The following COL24A1 variants were observed in gnomAD, a reference collection of about 807,000 sequenced individuals.
COL24A1 encodes the protein collagen alpha-1(XXIV) chain.
COL24A1 carries 224 observed loss-of-function variants against 253.9 expected under a neutral mutation model. The ratio of observed to expected loss-of-function variants is 0.88; its 90% CI spans 0.79 to 0.99. COL24A1 has a LOEUF of 0.99. COL24A1 is among the 50% of genes least tolerant of loss of function. COL24A1 has a pLI of 0.00. For missense variants in COL24A1, 2,131 were observed against 2,068.5 expected (o/e 1.03, Z -0.59); for synonymous variants, 685 against 673.7 (o/e 1.02, Z -0.26).
At chr1:86,057,871 T>A in intron 10 of COL24A1, 60 bp downstream of exon 10, 1 of 1,448,740 alleles carries the variant, frequency 6.9e-7, no homozygotes, top group Non-Finnish European at 9.6e-7. Flanking sequence ...AAGTGTTTTA[T>A]ATATTTCATT....
chr1:86,058,059 G>A, intron 9 of COL24A1, 84 bp from the exon 10 acceptor site: 3 of 1,068,346 alleles, frequency 2.8e-6, no homozygotes, highest in South Asian at 3.1e-5. Flanking sequence ...GCCATATAAA[G>A]AGCTATCATT....
intron 24 of COL24A1, among the ~76,000 whole-genome samples, chr1:85,921,292 T>G (rs2103007600): frequency 6.6e-6 from 1 of 152,226 alleles, no homozygotes; most frequent in East Asian, 1.9e-4. Context: ...ATCCTGTGCC[T>G]GGCTTGGCAG....
chr1:85,859,797 A>C (rs559262247), intron 37 of COL24A1, among the ~76,000 whole-genome samples: 1 of 152,304 alleles, frequency 6.6e-6, no homozygotes, highest in South Asian at 2.1e-4. Context: ...TACTATGTAC[A>C]TGTTAAAATG....
chr1:86,075,548 C>A (rs868216021), intron 7 of COL24A1, among the ~76,000 whole-genome samples: 1 of 152,150 alleles, frequency 6.6e-6, no homozygotes, highest in Non-Finnish European at 1.5e-5. Context: ...TTTTATGAGG[C>A]CAGCATCATC....
chr1:86,126,005 C>T lies in COL24A1; in HGVS notation c.331G>A (p.Gly111Arg). 1 of 1,613,522 alleles carries T rather than the reference C, an allele frequency of 6.2e-7. No homozygotes were observed. Among genetic ancestry groups the T allele is most frequent in the Non-Finnish European group, 8.5e-7 (1 of 1,179,774 alleles). ...NLGQPFTILT[G>R]LQSHRVNNAF... ...TTGTTCACCCGATGTGACTGTAACC[C>T]AGTTAATATTGTAAACGGCTGCCCC... is the stretch of plus-strand genomic sequence containing the variant. The change falls in exon 3 of 60, where the codon GGG (glycine) becomes AGG (arginine). Residue 111 changes from glycine to arginine, a missense_variant. By Grantham distance (125) the Gly-to-Arg change is moderately radical. Transcript: ENST00000370571.
intron 47 of COL24A1, among the ~76,000 whole-genome samples, chr1:85,813,780 T>C (rs1010057230): frequency 7.2e-5 from 11 of 151,898 alleles, no homozygotes; most frequent in African/African-American, 2.7e-4. Flanking sequence ...CTCGATCTCC[T>C]GACCTCGTGA....
At chr1:85,943,031 C>T (rs1382075655) in intron 24 of COL24A1, among the ~76,000 whole-genome samples, 2 of 152,114 alleles carry the variant, frequency 1.3e-5, no homozygotes, top group African/African-American at 2.4e-5. Flanking sequence ...AGAAGATCTG[C>T]CCTCAATGTT....
intron 2 of COL24A1, among the ~76,000 whole-genome samples, chr1:86,142,689 A>G (rs1651334256): frequency 6.6e-6 from 1 of 152,136 alleles, no homozygotes; most frequent in South Asian, 2.1e-4. Context: ...AAAGAGCCCA[A>G]TACTGAAGAT....
chr1:85,830,100 C>T (rs531748929), intron 43 of COL24A1, among the ~76,000 whole-genome samples: 25 of 150,718 alleles, frequency 1.7e-4, no homozygotes, highest in Non-Finnish European at 2.4e-4. Context: ...GATGGGTTTT[C>T]GGTGTGGATG....
chr1:86,106,728 C>A (rs562212367), intron 5 of COL24A1, among the ~76,000 whole-genome samples: 2 of 152,224 alleles, frequency 1.3e-5, no homozygotes, highest in Admixed American at 1.3e-4. Context: ...GCCATTCTCT[C>A]TGGAAAACAG....
chr1:86,023,631 CAT>C (rs1697759589), intron 14 of COL24A1, among the ~76,000 whole-genome samples: 1 of 152,046 alleles, frequency 6.6e-6, no homozygotes. Flanking sequence ...AGAAAAAAGA[CAT>C]AATCTCTAAC....
chr1:85,841,350 T>A (rs1264318884), intron 41 of COL24A1, 72 bp from the exon 42 acceptor site: 1 of 1,040,392 alleles, frequency 9.6e-7, no homozygotes, highest in African/African-American at 1.7e-5. Context: ...CAACCTACTA[T>A]TTTTAAGTAT....
In COL24A1 at chr1:85,838,690, T is replaced by A. The variant is rs570624915; in HGVS notation, c.3628-52A>T. 3.3e-6 allele frequency: 5 copies of A among 1,520,718 alleles called. No individual in the cohort carries two copies. The South Asian group carries it at 3.4e-5, about 10-fold the overall frequency. The allele number at this position is 1,520,718 out of a possible 1,614,324, so 94.2% of individuals were successfully genotyped here. A position where few individuals can be genotyped will look rare whatever the true frequency, so the allele number is the denominator to read the frequency against. ...AGTTTTACAGCTGGATCAAAGTATA[T>A]GCGAATGCAGGTGATAAGATTAGTG... On this transcript the variant is annotated intron_variant, in intron 42 of 59. Transcript: ENST00000370571.
At chr1:86,093,157 T>C (rs1703629498) in intron 5 of COL24A1, among the ~76,000 whole-genome samples, 1 of 152,092 alleles carries the variant, frequency 6.6e-6, no homozygotes, top group African/African-American at 2.4e-5. Context: ...TCAGAGATGC[T>C]TTTAAATGAC....
chr1:85,874,508 A>G, intron 35 of COL24A1, 141 bp downstream of exon 35: 1 of 747,074 alleles, frequency 1.3e-6, no homozygotes, highest in Non-Finnish European at 2.2e-6. Flanking sequence ...CAGCTTTTGA[A>G]AGTATGAAAT....
At chr1:85,969,211 T>TC (rs1451271332) in intron 22 of COL24A1, among the ~76,000 whole-genome samples, 1 of 152,124 alleles carries the variant, frequency 6.6e-6, no homozygotes. Flanking sequence ...AAATGAAAAC[T>TC]CTTTTTTTTC....
intron 39 of COL24A1, 52 bp downstream of exon 39, chr1:85,847,613 G>T: frequency 7.6e-7 from 1 of 1,315,968 alleles, no homozygotes; most frequent in Non-Finnish European, 1.1e-6. Context: ...GCATGGATAC[G>T]TTTCTTTCCC....
Position 85,838,608 on chromosome 1 carries a change from C to G in COL24A1, c.3658G>C (p.Glu1220Gln). The change falls in exon 43 of 60, where the codon GAG becomes CAG. Residue 1220 changes from glutamate (E) to glutamine (Q), a missense_variant. Glu to Gln is a conservative substitution (Grantham distance 29). Coordinates refer to ENST00000370571, the MANE Select transcript of COL24A1 (RefSeq NM_152890.7). ...ACCTTATATCCCTCTGCTCCAGGCT[C>G]TCCTCTCTCTCCTTGGTCCCCCACT... is the stretch of plus-strand genomic sequence containing the variant. ...GPVGDQGERGEPGAEGYKGHV... is the reference protein window; with the variant it reads ...GPVGDQGERGQPGAEGYKGHV... The G allele has an allele frequency of 2.5e-6, 4 of 1,613,892 alleles. No individual in the cohort carries two copies. The highest frequency in any genetic ancestry group is 3.4e-6 in the Non-Finnish European group (4 of 1,179,794).
intron 7 of COL24A1, among the ~76,000 whole-genome samples, chr1:86,079,755 C>T (rs775784016): frequency 2.8e-4 from 42 of 152,012 alleles, no homozygotes; most frequent in Non-Finnish European, 4.7e-4. Context: ...CCAGTTAAAA[C>T]GGCTTATATC....
Sources: allele counts gnomAD v4.1 joint callset (sites outside exome capture counted in the v4.1 genomes callset), GRCh38; gene constraint gnomAD v4.1.1; transcripts MANE v1.5; gene names NCBI Gene and HGNC (gene_info 2026-07-23, HGNC 2026-07-21).